Variants in SPAG11A observed in about 807,000 individuals in gnomAD.
SPAG11A encodes sperm associated antigen 11A, also known as sperm-associated antigen 11A.
In SPAG11A, 2 loss-of-function variants were observed where a neutral mutation model predicts 5.5. That is an observed-to-expected ratio of 0.37 (90% CI 0.15 to 1.15). SPAG11A has a LOEUF of 1.15. SPAG11A is among the 50% of genes most tolerant of loss of function. The pLI is 0.38. For synonymous variants in SPAG11A, 11 were observed against 42.7 expected (o/e 0.26, Z 2.90); for missense variants, 24 against 122.5 (o/e 0.20, Z 3.80).
In SPAG11A at chr8:7,860,636, G is replaced by T. The variant is rs561335470; in HGVS notation, c.215-10G>T. 48 of 1,428,856 alleles carry T rather than the reference G, an allele frequency of 3.4e-5. 8 individuals are homozygous for T. The South Asian group carries it at 6.4e-4, about 19-fold the overall frequency. The allele number at this position is 1,428,856 out of a possible 1,614,324, so 88.5% of individuals were successfully genotyped here. On this transcript the variant is annotated splice_polypyrimidine_tract_variant and intron_variant, in intron 2 of 2. Coordinates refer to ENST00000642566, the Ensembl canonical transcript of SPAG11A. ...AGTTAAATGTCAACTCTCTTCTGTTGTATCCATAGGGGATGTTCCACTGGG... is the reference window on the plus strand; with the variant it reads ...AGTTAAATGTCAACTCTCTTCTGTTTTATCCATAGGGGATGTTCCACTGGG...
At chr8:7,860,310 A>G (rs1414978316) in intron 2 of SPAG11A, 11 of 1,413,564 alleles carry the variant, frequency 7.8e-6, no homozygotes, top group Non-Finnish European at 1.1e-5. Flanking sequence ...ATTCTGGACC[A>G]CTTCTGTTTT....
Position 7,859,797 on chromosome 8 carries a change from TA to T in SPAG11A, c.215-847del, listed in dbSNP as rs1295846458. On this transcript the variant is annotated intron_variant, in intron 2 of 2. Coordinates refer to ENST00000642566, the Ensembl canonical transcript of SPAG11A. ...GTTAAATGAGTTGTCTAAGGAGACA[TA>T]ATGAGATATTGGAAGAAGTAAGACC... 3.7e-5 allele frequency among the ~76,000 whole-genome samples: 3 copies of T among 80,788 alleles called. No homozygotes were observed. The Admixed American group carries it at 4.4e-4, about 12-fold the overall frequency. The allele number at this position is 80,788 out of a possible 152,430, so 53.0% of individuals were successfully genotyped here. A position where few individuals can be genotyped will look rare whatever the true frequency, so the allele number is the denominator to read the frequency against.
Position 7,860,003 on chromosome 8 carries a change from C to G in SPAG11A, c.215-643C>G, listed in dbSNP as rs535608982. ...GTGCAAGAGTGTTTTCCTAATCACG[C>G]AAGACCAACACTGTGCTGTTGTTGT... On this transcript the variant is annotated intron_variant, in intron 2 of 2. Coordinates refer to ENST00000642566, the Ensembl canonical transcript of SPAG11A. Among the ~76,000 whole-genome samples the G allele has an allele frequency of 2.6e-4, 39 of 150,476 alleles. 1 individual carries two copies. The highest frequency in any genetic ancestry group is 8.6e-4 in the African/African-American group (35 of 40,918).
intron 2 of SPAG11A, chr8:7,860,385 A>G: frequency 1.0e-5 from 15 of 1,429,886 alleles, no homozygotes; most frequent in Non-Finnish European, 1.4e-5. Context: ...ACCCTCATTT[A>G]AGATCTGCGT....
chr8:7,858,323 G>A (rs4840309), intron 2 of SPAG11A, among the ~76,000 whole-genome samples: 3,502 of 114,020 alleles, frequency 0.031, 349 homozygotes, highest in Middle Eastern at 0.051. Context: ...CAAAAATATC[G>A]TGTCCTTGCA....
intron 2 of SPAG11A, among the ~76,000 whole-genome samples, chr8:7,859,680 T>A (rs1303966152): frequency 2.3e-5 from 1 of 44,294 alleles, no homozygotes; most frequent in African/African-American, 4.5e-5. Flanking sequence ...GTGCAATGAA[T>A]CTTTATGGTC....
intron 2 of SPAG11A, among the ~76,000 whole-genome samples, chr8:7,859,927 G>T (rs1208673380): frequency 6.9e-6 from 1 of 145,452 alleles, no homozygotes; most frequent in Non-Finnish European, 1.5e-5. Flanking sequence ...CTGTGACAGG[G>T]CTGAGATGAT....
chr8:7,857,937 G>A (rs1288821870), intron 2 of SPAG11A, among the ~76,000 whole-genome samples: 3 of 95,454 alleles, frequency 3.1e-5, no homozygotes, highest in African/African-American at 5.8e-5. Context: ...GTTAAATAAC[G>A]CAGAAGACAG....
chr8:7,852,855 T>TC (rs1817990317), intron 2 of SPAG11A, among the ~76,000 whole-genome samples: 1 of 14,278 alleles, frequency 7.0e-5, no homozygotes, highest in African/African-American at 1.5e-4. Flanking sequence ...AGAGCCCTTC[T>TC]ATTTTTTTTT....
At chr8:7,861,050 C>G (rs1818198460), downstream of SPAG11A, 5 of 370,376 alleles carry the variant, frequency 1.3e-5, 1 homozygote, top group East Asian at 3.6e-4. Flanking sequence ...CTTTCCTAGT[C>G]AAGGGAATAT....
At chr8:7,862,089 C>G (rs1223856861), downstream of SPAG11A, among the ~76,000 whole-genome samples, 1 of 109,760 alleles carries the variant, frequency 9.1e-6, no homozygotes, top group African/African-American at 2.8e-5. Flanking sequence ...CCCCTATTAG[C>G]CTTGGCTGAG....
At chr8:7,852,230 GT>G (rs371146329) in intron 2 of SPAG11A, among the ~76,000 whole-genome samples, 3,531 of 147,520 alleles carry the variant, frequency 0.024, 3 homozygotes, top group East Asian at 0.082. Context: ...TTACTGTGTA[GT>G]TGAGCGTTTT....
chr8:7,860,010 A>G (rs1206616109), intron 2 of SPAG11A, among the ~76,000 whole-genome samples: 6 of 150,508 alleles, frequency 4.0e-5, no homozygotes, highest in Non-Finnish European at 7.4e-5. Flanking sequence ...ACGCAAGACC[A>G]ACACTGTGCT....
Position 7,860,214 on chromosome 8 carries a change from C to G in SPAG11A, c.215-432C>G, listed in dbSNP as rs577104301. The stretch of plus-strand genomic sequence containing the variant: ...GAGAGAGGTTTTATTTTCTCCTTTT[C>G]GTTGTAGGACATAAAACTAAAAATT... On this transcript the variant is annotated intron_variant, in intron 2 of 2. Transcript: ENST00000642566. 5.8e-6 allele frequency: 4 copies of G among 683,804 alleles called. No homozygotes were observed. The African/African-American group carries it at 6.9e-5, about 12-fold the overall frequency. 42.4% of individuals were successfully genotyped at this position (683,804 alleles called of 1,614,324 possible).
chr8:7,863,688 A>G (rs1181905411), downstream of SPAG11A: 6 of 1,398,454 alleles, frequency 4.3e-6, no homozygotes, highest in African/African-American at 8.4e-5. Flanking sequence ...CTAAGCCTGG[A>G]CTGCCTCTCG....
chr8:7,852,237 G>A (rs1402541183), intron 2 of SPAG11A, among the ~76,000 whole-genome samples: 6 of 151,870 alleles, frequency 4.0e-5, no homozygotes, highest in East Asian at 3.9e-4. Flanking sequence ...GTAGTTGAGC[G>A]TTTTTTCTTT....
At position 7,860,483 on chromosome 8, in the gene SPAG11A, G is replaced by A. The variant is rs550433081; in HGVS notation, c.215-163G>A. 1,122 of 1,393,374 alleles carry A rather than the reference G, an allele frequency of 8.1e-4. 70 individuals are homozygous for A. The Middle Eastern group carries it at 0.011, about 14-fold the overall frequency. The allele number at this position is 1,393,374 out of a possible 1,614,324, so 86.3% of individuals were successfully genotyped here. A position where few individuals can be genotyped will look rare whatever the true frequency, so the allele number is the denominator to read the frequency against. Reference sequence around the variant, plus strand: ...GGCAACATTTCAGATATAAATTATCGTTCCTGTTTTAAAGCTAAGAGGCCA... The same window carrying A: ...GGCAACATTTCAGATATAAATTATCATTCCTGTTTTAAAGCTAAGAGGCCA... On this transcript the variant is annotated intron_variant, in intron 2 of 2. Transcript: ENST00000642566.
chr8:7,857,089 AT>A lies in SPAG11A; in HGVS notation c.215-3556del, dbSNP rs543384106. On this transcript the variant is annotated intron_variant, in intron 2 of 2. Coordinates refer to ENST00000642566, the Ensembl canonical transcript of SPAG11A. Reference sequence around the variant, plus strand: ...AAATTTTCTAAACTATAATTTCACAATGATTTGATTAGTAACTGTACTGCTA... The same window carrying A: ...AAATTTTCTAAACTATAATTTCACAAGATTTGATTAGTAACTGTACTGCTA... 4.6e-3 allele frequency among the ~76,000 whole-genome samples: 557 copies of A among 120,310 alleles called. 1 individual carries two copies. Among genetic ancestry groups the A allele is most frequent in the Non-Finnish European group, 6.9e-3 (377 of 54,814 alleles). The allele number at this position is 120,310 out of a possible 152,430, so 78.9% of individuals were successfully genotyped here.
chr8:7,854,406 ACTCC>A (rs1818011714), intron 2 of SPAG11A, among the ~76,000 whole-genome samples: 1 of 112,292 alleles, frequency 8.9e-6, no homozygotes, highest in African/African-American at 2.8e-5. Context: ...AGATGATAAG[ACTCC>A]TTGTTTGCAT....
Sources: gnomAD v4.1 joint callset for allele counts (sites outside exome capture counted in the v4.1 genomes callset) on GRCh38, gnomAD v4.1.1 for gene constraint, MANE v1.5 for transcripts, NCBI Gene and HGNC (gene_info 2026-07-23, HGNC 2026-07-21) for gene names.